PIK3IP1: variants seen among roughly 807,000 people sequenced by gnomAD.
PIK3IP1 encodes phosphoinositide-3-kinase-interacting protein 1.
In PIK3IP1, 28 loss-of-function variants were observed where a neutral mutation model predicts 30.7. That is an observed-to-expected ratio of 0.91 (90% CI 0.68 to 1.25). The LOEUF is 1.25. PIK3IP1 is among the 50% of genes most tolerant of loss of function. PIK3IP1 has a pLI of 0.00. For missense variants in PIK3IP1, 333 were observed against 346.2 expected, an observed-to-expected ratio of 0.96 and a Z score of 0.30; for synonymous variants, 159 against 140.8, an observed-to-expected ratio of 1.13 and a Z score of -0.91.
Position 31,289,681 on chromosome 22 carries a change from A to T in PIK3IP1, c.326T>A (p.Leu109Gln), listed in dbSNP as rs2049158817. Residue 109 changes from leucine (L) to glutamine (Q), a missense_variant, in exon 4 of 6, where the codon CTG (leucine) becomes CAG (glutamine). Leu to Gln is a moderately radical substitution (Grantham distance 113). Transcript: ENST00000215912. ...LRCPETTSQA[L>Q]PAFTTEIQEA... is the part of the protein sequence containing the mutation. ...CTGGATTTCTGTCGTGAAGGCTGGC[A>T]GGGCCTGGGAGGTGGTCTCTGGAGA... 1.3e-6 allele frequency: 2 copies of T among 1,552,432 alleles called. No individual in the cohort carries two copies. Among genetic ancestry groups the T allele is most frequent in the Non-Finnish European group, 1.7e-6 (2 of 1,147,276 alleles).
intron 1 of PIK3IP1, 101 bp from the exon 2 acceptor site, chr22:31,291,397 A>T: frequency 1.7e-6 from 2 of 1,201,924 alleles, no homozygotes; most frequent in Non-Finnish European, 2.4e-6. Context: ...GCTGAACCTC[A>T]GCCTGGTTAG....
At position 31,283,078 on chromosome 22, in the gene PIK3IP1, G is replaced by A. The variant is rs115977339; in HGVS notation, c.*6C>T. On this transcript the variant is annotated 3_prime_UTR_variant, in exon 6 of 6. Transcript: ENST00000215912. ...GTCTGCATGGGCTCCTGCCCACTGG[G>A]GGGGCTCAGGCCCCAGGAGTCCCGG... 1 of 1,582,822 alleles carries A rather than the reference G, an allele frequency of 6.3e-7. No homozygotes were observed.
intron 5 of PIK3IP1, 81 bp downstream of exon 5, chr22:31,289,234 T>C: frequency 7.2e-7 from 1 of 1,398,244 alleles, no homozygotes; most frequent in Admixed American, 1.8e-5. Flanking sequence ...TTGCTTCCTT[T>C]TGGGTAAGAA....
chr22:31,286,125 A>G (rs964757729), intron 5 of PIK3IP1, among the ~76,000 whole-genome samples: 4 of 152,054 alleles, frequency 2.6e-5, no homozygotes, highest in African/African-American at 9.7e-5. Flanking sequence ...GTGAGCCGAC[A>G]CAGCGAGACT....
chr22:31,289,685 C>T lies in PIK3IP1; in HGVS notation c.322G>A (p.Ala108Thr), dbSNP rs2049158891. Residue 108 changes from alanine (A) to threonine (T), a missense_variant, in exon 4 of 6, where the codon GCC becomes ACC. Physicochemically the swap from Ala to Thr is moderately conservative, Grantham distance 58 (BLOSUM62 0). Coordinates refer to ENST00000215912, the MANE Select transcript of PIK3IP1 (RefSeq NM_052880.5). Reference protein sequence around the residue: ...DLRCPETTSQALPAFTTEIQE... With the variant: ...DLRCPETTSQTLPAFTTEIQE... ...ATTTCTGTCGTGAAGGCTGGCAGGG[C>T]CTGGGAGGTGGTCTCTGGAGATGAG... The T allele has an allele frequency of 6.4e-7, 1 of 1,552,468 alleles. No homozygotes were observed. Among genetic ancestry groups the T allele is most frequent in the South Asian group, 1.2e-5 (1 of 84,108 alleles).
Position 31,292,464 on chromosome 22 carries a change from T to C in PIK3IP1, c.-120A>G. ...CAGACCTGCCCTTGTTATGCTGTTCTGGTAAACAGCCTCTCTTTAGAACTG... is the reference window on the plus strand; with the variant it reads ...CAGACCTGCCCTTGTTATGCTGTTCCGGTAAACAGCCTCTCTTTAGAACTG... On this transcript the variant is annotated 5_prime_UTR_variant, in exon 1 of 6. Transcript: ENST00000215912. 6.6e-6 allele frequency: 5 copies of C among 762,212 alleles called. No homozygotes were observed. The South Asian group carries it at 7.8e-5, about 12-fold the overall frequency. 47.2% of individuals were successfully genotyped at this position (762,212 alleles called of 1,614,324 possible).
chr22:31,289,530 G>C lies in PIK3IP1; in HGVS notation c.477C>G (p.Asn159Lys), dbSNP rs55940931. ...TTCCCAGGTCCTTTTTCTCCTTGGA[G>C]TTCATCCGCACCCGCTGGCTGATCC... Reference protein sequence around the residue: ...VIGISQRVRMNSKEKKDLGTL... With the variant: ...VIGISQRVRMKSKEKKDLGTL... The change falls in exon 4 of 6, where the codon AAC (asparagine) becomes AAG (lysine). Residue 159 changes from asparagine to lysine, a missense_variant. This residue lies in a region of PIK3IP1 where 217 missense variants were observed against 227.7 expected (regional missense o/e 0.95). Coordinates refer to ENST00000215912, the MANE Select transcript of PIK3IP1 (RefSeq NM_052880.5). 3.2e-6 allele frequency: 5 copies of C among 1,542,434 alleles called. No homozygotes were observed. The highest frequency in any genetic ancestry group is 4.4e-6 in the Non-Finnish European group (5 of 1,142,034).
In PIK3IP1 at chr22:31,283,308, CAA is replaced by C. The variant is rs763000520; in HGVS notation, c.588-22_588-21del. The C allele has an allele frequency of 3.1e-6, 5 of 1,613,538 alleles. No homozygotes were observed. Among genetic ancestry groups the C allele is most frequent in the Non-Finnish European group, 4.2e-6 (5 of 1,179,642 alleles). ...TTCCCCCTGGCAGGAAAAAAACAAACAAACATTCAGGCTATGCCTCCTGCATA... is the reference window on the plus strand; with the variant it reads ...TTCCCCCTGGCAGGAAAAAAACAAACACATTCAGGCTATGCCTCCTGCATA... On this transcript the variant is annotated intron_variant, in intron 5 of 5. Coordinates refer to ENST00000215912, the MANE Select transcript of PIK3IP1 (RefSeq NM_052880.5).
intron 1 of PIK3IP1, 37 bp downstream of exon 1, chr22:31,292,238 A>T (rs1418715529): frequency 6.2e-7 from 1 of 1,601,788 alleles, no homozygotes; most frequent in East Asian, 2.2e-5. Flanking sequence ...CTTCTGTTTC[A>T]TGAAGTTGCT....
chr22:31,289,477 C>A, intron 4 of PIK3IP1, 22 bp downstream of exon 4: 1 of 1,541,094 alleles, frequency 6.5e-7, no homozygotes, highest in Admixed American at 2.0e-5. Context: ...CCAACGAGGG[C>A]AGGGGTGGGG....
At chr22:31,289,454 C>T (rs558858397) in intron 4 of PIK3IP1, 45 bp downstream of exon 4, 2 of 1,557,484 alleles carry the variant, frequency 1.3e-6, no homozygotes, top group African/African-American at 2.7e-5. Flanking sequence ...CAAATGACAT[C>T]TCTTGATGAA....
intron 3 of PIK3IP1, 90 bp from the exon 4 acceptor site, chr22:31,289,789 G>T: frequency 7.3e-7 from 1 of 1,378,980 alleles, no homozygotes; most frequent in Non-Finnish European, 9.9e-7. Context: ...GGTAGATGAA[G>T]GTGGGTCACC....
chr22:31,284,361 T>C (rs935609873), intron 5 of PIK3IP1, among the ~76,000 whole-genome samples: 5 of 152,214 alleles, frequency 3.3e-5, no homozygotes, highest in Non-Finnish European at 7.3e-5. Flanking sequence ...TCAATTTGTA[T>C]TAATGAGGCA....
At position 31,283,394 on chromosome 22, in the gene PIK3IP1, A is replaced by T. The variant is rs2049105625; in HGVS notation, c.588-106T>A. On this transcript the variant is annotated intron_variant, in intron 5 of 5. Transcript: ENST00000215912. ...GCAAGAGCAGCAGCTTGCCATTGTCACAACAAATCAGTGGCTGAGCCAGGA... is the reference window on the plus strand; with the variant it reads ...GCAAGAGCAGCAGCTTGCCATTGTCTCAACAAATCAGTGGCTGAGCCAGGA... 3.3e-6 allele frequency: 4 copies of T among 1,217,438 alleles called. No homozygotes were observed. In the South Asian group the frequency reaches 5.5e-5, roughly 17 times the overall value. The allele number at this position is 1,217,438 out of a possible 1,614,324, so 75.4% of individuals were successfully genotyped here.
rs1332748442 is a variant in PIK3IP1 at position 31,283,115 on chromosome 22, A to AG, written c.760dup (p.Leu254ProfsTer33). On this transcript the variant is annotated frameshift_variant, in exon 6 of 6. Transcript: ENST00000215912. LOFTEE classifies it high-confidence loss of function. ...CCCAGGAGTCCCGGCCTGGCCCATA[A>AG]GGGGGGTGGTGCCCTCCTGAGGGTC... 3 of 1,610,760 alleles carry AG rather than the reference A, an allele frequency of 1.9e-6. No homozygotes were observed. Among genetic ancestry groups the AG allele is most frequent in the African/African-American group, 1.3e-5 (1 of 74,928 alleles).
At position 31,283,129 on chromosome 22, in the gene PIK3IP1, C is replaced by T. The variant is rs2051533481; in HGVS notation, c.747G>A (p.Glu249=). The T allele has an allele frequency of 1.2e-6, 2 of 1,613,206 alleles. No individual in the cohort carries two copies. Among genetic ancestry groups the T allele is most frequent in the South Asian group, 2.2e-5 (2 of 90,910 alleles). ...HTSQTPVDPQ[E]GTTPLMGQAG... ...CCTGGCCCATAAGGGGGGTGGTGCC[C>T]TCCTGAGGGTCAACTGGAGTCTGGC... The change falls in exon 6 of 6, where the codon GAG becomes GAA. Residue 249 remains glutamate (E), a synonymous_variant. Coordinates refer to ENST00000215912, the MANE Select transcript of PIK3IP1 (RefSeq NM_052880.5).
intron 4 of PIK3IP1, 32 bp from the exon 5 acceptor site, chr22:31,289,425 C>T (rs747966304): frequency 6.3e-7 from 1 of 1,584,848 alleles, no homozygotes; most frequent in Non-Finnish European, 8.6e-7. Context: ...GTCCCATTAG[C>T]CACACCCTAG....
rs945376441 is a variant in PIK3IP1 at position 31,292,452 on chromosome 22, G to A, written c.-108C>T. The A allele has an allele frequency of 1.2e-6, 1 of 842,260 alleles. No homozygotes were observed. The highest frequency in any genetic ancestry group is 1.9e-5 in the Admixed American group (1 of 51,578). 52.2% of individuals were successfully genotyped at this position (842,260 alleles called of 1,614,324 possible). A position where few individuals can be genotyped will look rare whatever the true frequency, so the allele number is the denominator to read the frequency against. ...CAGCCTTGCAGTCAGACCTGCCCTT[G>A]TTATGCTGTTCTGGTAAACAGCCTC... On this transcript the variant is annotated 5_prime_UTR_variant, in exon 1 of 6. Coordinates refer to ENST00000215912, the MANE Select transcript of PIK3IP1 (RefSeq NM_052880.5).
chr22:31,283,098 T>G lies in PIK3IP1; in HGVS notation c.778A>C (p.Thr260Pro), dbSNP rs144603784. Reference sequence around the variant, plus strand: ...ACTGGGGGGGCTCAGGCCCCAGGAGTCCCGGCCTGGCCCATAAGGGGGGTG... The same window carrying G: ...ACTGGGGGGGCTCAGGCCCCAGGAGGCCCGGCCTGGCCCATAAGGGGGGTG... ...GTTPLMGQAG[T>P]PGA Residue 260 changes from threonine (T) to proline (P), a missense_variant, in exon 6 of 6, where the codon ACT becomes CCT. Physicochemically the swap from Thr to Pro is conservative, Grantham distance 38. Around this residue, in one of 3 missense-constraint regions of PIK3IP1, gnomAD observed 217 missense variants for 227.7 expected, o/e 0.95. Transcript: ENST00000215912. The G allele has an allele frequency of 1.3e-6, 2 of 1,599,884 alleles. No homozygotes were observed. The highest frequency in any genetic ancestry group is 1.3e-5 in the African/African-American group (1 of 74,682).
Sources: gnomAD v4.1 joint callset for allele counts (sites outside exome capture counted in the v4.1 genomes callset) on GRCh38, gnomAD v4.1.1 for gene constraint, gnomAD v4.1.1 regional missense constraint, MANE v1.5 for transcripts, NCBI Gene and HGNC (gene_info 2026-07-23, HGNC 2026-07-21) for gene names.